Variants in GTF3C3 observed in about 807,000 individuals in gnomAD.
The protein encoded by GTF3C3 is general transcription factor IIIC subunit 3.
GTF3C3 carries 75 observed loss-of-function variants against 105.2 expected under a neutral mutation model. The ratio of observed to expected loss-of-function variants is 0.71; its 90% CI spans 0.59 to 0.86. GTF3C3 has a LOEUF of 0.86. GTF3C3 is among the 40% of genes least tolerant of loss of function. The pLI, the probability that GTF3C3 is intolerant of heterozygous loss-of-function variation, is 0.00. For synonymous variants in GTF3C3, 335 were observed against 370.4 expected (o/e 0.90, Z 1.10); for missense variants, 856 against 1,076.5 (o/e 0.80, Z 2.87).
In GTF3C3 at chr2:196,775,202, CCAGACTTGGAACTGGATATCAAA is replaced by C; in HGVS notation, c.1722_1744del (p.Cys574TrpfsTer9). The C allele has an allele frequency of 6.2e-7, 1 of 1,611,912 alleles. No individual in the cohort carries two copies. The highest frequency in any genetic ancestry group is 8.5e-7 in the Non-Finnish European group (1 of 1,178,712). On this transcript the variant is annotated frameshift_variant, in exon 13 of 18. Transcript: ENST00000263956. LOFTEE classifies it high-confidence loss of function. ...TTTAATAAGATAAAGATGCCTCTCTCCAGACTTGGAACTGGATATCAAACAAACTTGGGCTCGATTCATTGCTA... is the reference window on the plus strand; with the variant it reads ...TTTAATAAGATAAAGATGCCTCTCTCCAAACTTGGGCTCGATTCATTGCTA...
At position 196,773,074 on chromosome 2, in the gene GTF3C3, A is replaced by C. The variant is rs754679910; in HGVS notation, c.1911T>G (p.Cys637Trp). ...NLLLKAIYSL[C>W]DLSRFQEAEL... Reference sequence around the variant, plus strand: ...CAGCCTCTTGAAATCGGGATAGGTCACATAAGGAGTATATGGCCTTCAACA... The same window carrying C: ...CAGCCTCTTGAAATCGGGATAGGTCCCATAAGGAGTATATGGCCTTCAACA... The change falls in exon 14 of 18, where the codon TGT (cysteine) becomes TGG (tryptophan). Residue 637 changes from cysteine to tryptophan, a missense_variant. Cys to Trp is a radical substitution (Grantham distance 215, BLOSUM62 -2). Around this residue, in one of 3 missense-constraint regions of GTF3C3, gnomAD observed 605 missense variants for 833.6 expected, o/e 0.73. Coordinates refer to ENST00000263956, the MANE Select transcript of GTF3C3 (RefSeq NM_012086.5). 1 of 1,613,478 alleles carries C rather than the reference A, an allele frequency of 6.2e-7. No homozygotes were observed. Among genetic ancestry groups the C allele is most frequent in the South Asian group, 1.1e-5 (1 of 91,040 alleles).
chr2:196,764,708 A>ATGTT (rs1216458748), intron 17 of GTF3C3, 23 bp from the exon 18 acceptor site: 7 of 1,592,596 alleles, frequency 4.4e-6, no homozygotes, highest in Admixed American at 1.7e-5. Context: ...AGATACCTTT[A>ATGTT]TGTTTAATAT....
At chr2:196,765,502 A>C (rs1390377636) in intron 17 of GTF3C3, among the ~76,000 whole-genome samples, 1 of 151,520 alleles carries the variant, frequency 6.6e-6, no homozygotes, top group East Asian at 1.9e-4. Context: ...AAATGGTGTG[A>C]GTAAACAATA....
chr2:196,784,702 T>C (rs572280798), intron 8 of GTF3C3, 155 bp downstream of exon 8: 13 of 671,584 alleles, frequency 1.9e-5, no homozygotes, highest in Non-Finnish European at 2.4e-5. Context: ...TCACAAGATA[T>C]GAAATCTCTG....
chr2:196,793,438 A>G (rs1699587774), intron 2 of GTF3C3, among the ~76,000 whole-genome samples: 1 of 152,194 alleles, frequency 6.6e-6, no homozygotes, highest in East Asian at 1.9e-4. Flanking sequence ...GAAAAAAAAT[A>G]GAAGAATTAT....
At position 196,785,519 on chromosome 2, in the gene GTF3C3, C is replaced by T; in HGVS notation, c.963G>A (p.Gln321=). The part of the protein sequence containing the change: ...NIIDEAFSKH[Q]GLVSMEDVNI... The stretch of plus-strand genomic sequence containing the variant: ...TAACATCTTCCATGGAGACTAGGCC[C>T]TGGTGTTTTGAGAAAGCTTCATCAA... Residue 321 remains glutamine (Q), a synonymous_variant, in exon 7 of 18, where the codon CAG becomes CAA. Transcript: ENST00000263956. The T allele has an allele frequency of 6.2e-7, 1 of 1,605,958 alleles. No homozygotes were observed. The highest frequency in any genetic ancestry group is 8.5e-7 in the Non-Finnish European group (1 of 1,173,164).
intron 9 of GTF3C3, 157 bp downstream of exon 9, chr2:196,780,402 A>G (rs781282657): frequency 6.2e-6 from 8 of 1,283,882 alleles, no homozygotes; most frequent in Non-Finnish European, 8.0e-6. Context: ...TTTAGTTTTT[A>G]TAAGATATTC....
At chr2:196,766,821 C>G (rs1699077369) in intron 16 of GTF3C3, 104 bp from the exon 17 acceptor site, 1 of 801,598 alleles carries the variant, frequency 1.2e-6, no homozygotes, top group South Asian at 2.0e-5. Flanking sequence ...TTTTAAAAAC[C>G]TATCTATCTG....
At position 196,784,946 on chromosome 2, in the gene GTF3C3, GAAGA is replaced by G. The variant is rs1027972665; in HGVS notation, c.1042-21_1042-18del. The G allele has an allele frequency of 6.6e-6, 10 of 1,513,000 alleles. No homozygotes were observed. The highest frequency in any genetic ancestry group is 1.7e-5 in the Admixed American group (1 of 57,778). 93.7% of individuals were successfully genotyped at this position (1,513,000 alleles called of 1,614,324 possible). On this transcript the variant is annotated intron_variant, in intron 7 of 17. Coordinates refer to ENST00000263956, the MANE Select transcript of GTF3C3 (RefSeq NM_012086.5). ...TGTAATTATCTAAAAGAATGGGAAA[GAAGA>G]AAGGAAATAAAATATGTGTGAAAAA...
chr2:196,790,131 A>C, intron 4 of GTF3C3, 61 bp from the exon 5 acceptor site: 1 of 1,073,034 alleles, frequency 9.3e-7, no homozygotes, highest in South Asian at 1.7e-5. Flanking sequence ...GTTGATGTCC[A>C]TCCCATGGTT....
In GTF3C3 at chr2:196,793,076, CTCATCATCT is replaced by C; in HGVS notation, c.282_290del (p.Asp95_Glu97del). The stretch of plus-strand genomic sequence containing the variant: ...CCTCCTCCTCTTCTTCCTCTTCCTC[CTCATCATCT>C]TCATTCTCTCCAAGCATGGAAGCAA... On this transcript the variant is annotated inframe_deletion, in exon 3 of 18. Coordinates refer to ENST00000263956, the MANE Select transcript of GTF3C3 (RefSeq NM_012086.5). 1 of 1,613,474 alleles carries C rather than the reference CTCATCATCT, an allele frequency of 6.2e-7. No individual in the cohort carries two copies. The highest frequency in any genetic ancestry group is 8.5e-7 in the Non-Finnish European group (1 of 1,179,540).
At position 196,786,047 on chromosome 2, in the gene GTF3C3, C is replaced by G. The variant is rs1576030820; in HGVS notation, c.894-459G>C. ...TAAAACTCCAAGCCTGGTTAAAATC[C>G]AACTATATCTACTCTTCACCACCAC... On this transcript the variant is annotated intron_variant, in intron 6 of 17. Transcript: ENST00000263956. This position sits in a 1 kb window ranked among gnomAD's most constrained non-coding sequence, Gnocchi z 4.2. Among the ~76,000 whole-genome samples the G allele has an allele frequency of 6.6e-6, 1 of 152,198 alleles. No individual in the cohort carries two copies. Among genetic ancestry groups the G allele is most frequent in the East Asian group, 1.9e-4 (1 of 5,176 alleles).
At chr2:196,765,262 C>CTAGAT (rs948484579) in intron 17 of GTF3C3, among the ~76,000 whole-genome samples, 1 of 152,044 alleles carries the variant, frequency 6.6e-6, no homozygotes, top group Non-Finnish European at 1.5e-5. Flanking sequence ...ATTCAATGGA[C>CTAGAT]TAGATTAGAC....
chr2:196,796,296 A>G (rs1242388877), intron 2 of GTF3C3, among the ~76,000 whole-genome samples: 1 of 152,202 alleles, frequency 6.6e-6, no homozygotes, highest in Non-Finnish European at 1.5e-5. Flanking sequence ...ACTGCTCATC[A>G]TGAGCCTGAA....
chr2:196,782,724 G>A (rs1478862149), intron 8 of GTF3C3, among the ~76,000 whole-genome samples: 2 of 152,120 alleles, frequency 1.3e-5, no homozygotes, highest in Non-Finnish European at 2.9e-5. Flanking sequence ...AATGCTACAG[G>A]GCAGTGCTAC....
At chr2:196,765,450 A>C (rs978483769) in intron 17 of GTF3C3, among the ~76,000 whole-genome samples, 1 of 151,984 alleles carries the variant, frequency 6.6e-6, no homozygotes, top group African/African-American at 2.4e-5. Flanking sequence ...AACTGCCTCC[A>C]GTAATATTGA....
intron 3 of GTF3C3, 115 bp from the exon 4 acceptor site, chr2:196,791,575 T>C (rs1219845096): frequency 2.0e-6 from 2 of 996,220 alleles, no homozygotes; most frequent in Non-Finnish European, 2.8e-6. Flanking sequence ...TTTAAAAATT[T>C]TCAGTTTTTG....
chr2:196,789,855 A>G (rs1297383052), intron 5 of GTF3C3, 24 bp downstream of exon 5: 9 of 491,454 alleles, frequency 1.8e-5, no homozygotes, highest in South Asian at 1.0e-4. Flanking sequence ...TGTAAAAGTG[A>G]AAAAAAAAAA....
intron 16 of GTF3C3, among the ~76,000 whole-genome samples, chr2:196,769,109 A>T (rs1029944714): frequency 6.6e-6 from 1 of 152,156 alleles, no homozygotes; most frequent in Admixed American, 6.5e-5. Context: ...TTTTTAAAAA[A>T]CTTATTATAG....
Sources: allele counts gnomAD v4.1 joint callset (sites outside exome capture counted in the v4.1 genomes callset), GRCh38; gene constraint gnomAD v4.1.1; regional missense constraint gnomAD v4.1.1; non-coding constraint Gnocchi (gnomAD v3.1); transcripts MANE v1.5; gene names NCBI Gene and HGNC (gene_info 2026-07-23, HGNC 2026-07-21).